DCC: variants seen among roughly 807,000 people sequenced by gnomAD.
DCC encodes DCC netrin 1 receptor.
In DCC, 58 loss-of-function variants were observed where a neutral mutation model predicts 172.5. The ratio of observed to expected loss-of-function variants is 0.34; its 90% CI spans 0.27 to 0.42. DCC has a LOEUF of 0.42. DCC is among the 10% of genes least tolerant of loss of function. The pLI, the probability that DCC is intolerant of heterozygous loss-of-function variation, is 1.00. For synonymous variants in DCC, 709 were observed against 644.5 expected (o/e 1.10, Z -1.52); for missense variants, 1,740 against 1,791.0 (o/e 0.97, Z 0.51).
At position 52,340,410 on chromosome 18, in the gene DCC, TCTC is replaced by T. The variant is rs1983571262; in HGVS notation, c.-374_-372del. ...AGCCCGGCCACAGGATTGCCTTCCA[TCTC>T]CTCTTGGTCCCTCCTGGATGTGGTT... is the stretch of plus-strand genomic sequence containing the variant. On this transcript the variant is annotated 5_prime_UTR_variant, in exon 1 of 29. Transcript: ENST00000442544. 2 of 295,150 alleles carry T rather than the reference TCTC, an allele frequency of 6.8e-6. No homozygotes were observed. The highest frequency in any genetic ancestry group is 1.5e-4 in the East Asian group (2 of 13,420). The allele number at this position is 295,150 out of a possible 1,614,324, so 18.3% of individuals were successfully genotyped here.
rs200201908 is a variant in DCC at position 53,476,456 on chromosome 18, G to A, written c.3736+8446G>A. Among the ~76,000 whole-genome samples, 12 of 152,128 alleles carry A rather than the reference G, an allele frequency of 7.9e-5. No homozygotes were observed. The East Asian group carries it at 2.3e-3, about 29-fold the overall frequency. On this transcript the variant is annotated intron_variant, in intron 25 of 28. Transcript: ENST00000442544. ...ATGCTGTTCTCATGATAGTGAATAA[G>A]TCTGACAAGATCTGATGATTTTAAA... is the stretch of plus-strand genomic sequence containing the variant.
At chr18:52,638,757 C>A (rs2034832670) in intron 1 of DCC, among the ~76,000 whole-genome samples, 1 of 152,032 alleles carries the variant, frequency 6.6e-6, no homozygotes. Context: ...CAGTAATAGT[C>A]AGGGACTTCA....
intron 7 of DCC, among the ~76,000 whole-genome samples, chr18:53,147,303 C>A (rs2043930336): frequency 6.6e-6 from 1 of 152,102 alleles, no homozygotes; most frequent in South Asian, 2.1e-4. Flanking sequence ...TAGTCGGGGC[C>A]TTTTTCTTTC....
chr18:52,997,430 C>T (rs1206000902), intron 5 of DCC, among the ~76,000 whole-genome samples: 2 of 152,196 alleles, frequency 1.3e-5, no homozygotes, highest in African/African-American at 4.8e-5. Context: ...TTTGAAATTA[C>T]CTAGATGAAG....
intron 2 of DCC, among the ~76,000 whole-genome samples, chr18:52,791,174 CTG>C (rs1298314338): frequency 6.6e-6 from 1 of 152,182 alleles, no homozygotes; most frequent in Non-Finnish European, 1.5e-5. Flanking sequence ...GGAATTCTCT[CTG>C]TGCCTGTCTG....
intron 1 of DCC, among the ~76,000 whole-genome samples, chr18:52,424,826 A>G (rs1242185489): frequency 1.3e-5 from 2 of 152,158 alleles, no homozygotes; most frequent in Non-Finnish European, 2.9e-5. Flanking sequence ...CCTTCTACGT[A>G]TCAAACCCAA....
chr18:53,027,363 A>G (rs1472335572), intron 5 of DCC, among the ~76,000 whole-genome samples: 1 of 152,190 alleles, frequency 6.6e-6, no homozygotes, highest in Non-Finnish European at 1.5e-5. Context: ...GTAGAGGCAA[A>G]TCTAGTCAAG....
intron 1 of DCC, among the ~76,000 whole-genome samples, chr18:52,598,726 T>C (rs556274331): frequency 6.6e-6 from 1 of 152,336 alleles, no homozygotes; most frequent in African/African-American, 2.4e-5. Flanking sequence ...TTTGTGCTGC[T>C]ATAACAAAAT....
intron 1 of DCC, among the ~76,000 whole-genome samples, chr18:52,462,026 C>T (rs2144540572): frequency 6.6e-6 from 1 of 152,276 alleles, no homozygotes; most frequent in South Asian, 2.1e-4. Context: ...ATTTTTGACT[C>T]TTCTGTTTTT....
chr18:52,929,752 G>A (rs542320482), intron 5 of DCC, among the ~76,000 whole-genome samples: 187 of 150,124 alleles, frequency 1.2e-3, no homozygotes, highest in African/African-American at 4.5e-3. Context: ...AAATAAAAAT[G>A]TTAAAACTCA....
At chr18:52,564,962 C>A (rs1283887884) in intron 1 of DCC, among the ~76,000 whole-genome samples, 1 of 152,024 alleles carries the variant, frequency 6.6e-6, no homozygotes, top group Non-Finnish European at 1.5e-5. Flanking sequence ...ATCTCTCACA[C>A]TGCTTGCGAA....
chr18:53,259,790 A>G (rs1336671741), intron 12 of DCC, among the ~76,000 whole-genome samples: 1 of 152,106 alleles, frequency 6.6e-6, no homozygotes, highest in African/African-American at 2.4e-5. Context: ...CTCCTGGATA[A>G]TATCCTGCAG....
intron 14 of DCC, among the ~76,000 whole-genome samples, chr18:53,329,063 G>T (rs373910126): frequency 6.6e-6 from 1 of 152,064 alleles, no homozygotes; most frequent in Admixed American, 6.6e-5. Context: ...ATTTAATGGG[G>T]CATCATATAA....
At chr18:53,426,436 T>TATTTA (rs1555670089) in intron 21 of DCC, among the ~76,000 whole-genome samples, 2 of 51,210 alleles carry the variant, frequency 3.9e-5, no homozygotes, top group Non-Finnish European at 7.3e-5. Context: ...TATATTTATA[T>TATTTA]TATTTATATA....
At chr18:53,528,687 T>C (rs1362650184) in intron 28 of DCC, among the ~76,000 whole-genome samples, 2 of 152,182 alleles carry the variant, frequency 1.3e-5, no homozygotes. Context: ...CATTAAAAGA[T>C]GTAAAAATAA....
At chr18:52,755,664 T>C (rs2037065789) in intron 2 of DCC, among the ~76,000 whole-genome samples, 1 of 152,156 alleles carries the variant, frequency 6.6e-6, no homozygotes, top group African/African-American at 2.4e-5. Context: ...TTTAAAGCAT[T>C]AGCACTCAAT....
chr18:52,949,211 G>A (rs963077062), intron 5 of DCC, among the ~76,000 whole-genome samples: 10 of 152,190 alleles, frequency 6.6e-5, no homozygotes, highest in Non-Finnish European at 7.3e-5. Context: ...AGTACTGTCA[G>A]CAACTTGAGA....
intron 10 of DCC, among the ~76,000 whole-genome samples, chr18:53,206,605 A>G (rs2055651114): frequency 6.8e-6 from 1 of 146,064 alleles, no homozygotes. Flanking sequence ...TATAATACAT[A>G]TCTATGTATA....
chr18:52,964,502 T>C (rs1278918828), intron 5 of DCC, among the ~76,000 whole-genome samples: 1 of 152,112 alleles, frequency 6.6e-6, no homozygotes, highest in Non-Finnish European at 1.5e-5. Flanking sequence ...ATTAGGGCTA[T>C]AGTTGGGTTT....
Sources: gnomAD v4.1 joint callset for allele counts (sites outside exome capture counted in the v4.1 genomes callset) on GRCh38, gnomAD v4.1.1 for gene constraint, MANE v1.5 for transcripts, NCBI Gene and HGNC (gene_info 2026-07-23, HGNC 2026-07-21) for gene names.